The following MAPK8IP3 variants were observed in gnomAD, a reference collection of about 807,000 sequenced individuals.
MAPK8IP3 encodes the protein mitogen-activated protein kinase 8 interacting protein 3, also known as C-Jun-amino-terminal kinase-interacting protein 3.
A neutral mutation model predicts 157.8 loss-of-function variants in MAPK8IP3; 49 were observed. That is an observed-to-expected ratio of 0.31 (90% CI 0.25 to 0.39). The LOEUF (loss-of-function observed/expected upper bound fraction) is 0.39, where lower values mean the gene tolerates loss of function less well. Ranked by LOEUF, MAPK8IP3 falls within the 10% of genes least tolerant of loss-of-function variation. The probability of loss-of-function intolerance (pLI) is 1.00; values close to 1 mark genes in which losing one functional copy is unlikely to be tolerated. For synonymous variants in MAPK8IP3, 897 were observed against 777.7 expected (o/e 1.15, Z -2.55); for missense variants, 1,478 against 1,889.4 (o/e 0.78, Z 4.04).
At chr16:1,736,204 G>GTGACCGTCCGTGTGAGCA (rs2039789983) in intron 4 of MAPK8IP3, among the ~76,000 whole-genome samples, 1 of 101,798 alleles carries the variant, frequency 9.8e-6, no homozygotes, top group African/African-American at 3.8e-5. Context: ...GTGAGCATGT[G>GTGACCGTCCGTGTGAGCA]TGACCATCCG....
chr16:1,766,195 C>G (rs1187637217), intron 21 of MAPK8IP3, 25 bp from the exon 22 acceptor site: 2 of 1,603,756 alleles, frequency 1.2e-6, no homozygotes, highest in African/African-American at 1.3e-5. Context: ...TTCTGCCCAG[C>G]CCAAGCTCAC....
intron 20 of MAPK8IP3, 28 bp from the exon 21 acceptor site, chr16:1,765,932 C>T (rs532595593): frequency 7.5e-6 from 12 of 1,589,784 alleles, no homozygotes; most frequent in Non-Finnish European, 9.4e-6. Flanking sequence ...TTCCCCCGCA[C>T]AGGCTGACGG....
chr16:1,742,594 C>T lies in MAPK8IP3; in HGVS notation c.603-738C>T, dbSNP rs1023684474. ...CATGAACAGGAGTAATGAGGATGGG[C>T]AGGAGGGGCCAAGGAACAAGGCACA... On this transcript the variant is annotated intron_variant, in intron 4 of 31. Transcript: ENST00000610761. This position sits in a 1 kb window ranked among gnomAD's most constrained non-coding sequence, Gnocchi z 5.0. Among the ~76,000 whole-genome samples the T allele has an allele frequency of 6.6e-6, 1 of 152,096 alleles. No individual in the cohort carries two copies. Among genetic ancestry groups the T allele is most frequent in the Non-Finnish European group, 1.5e-5 (1 of 68,022 alleles).
chr16:1,714,707 A>G (rs1033941162), intron 1 of MAPK8IP3, among the ~76,000 whole-genome samples: 1 of 152,110 alleles, frequency 6.6e-6, no homozygotes, highest in African/African-American at 2.4e-5. Flanking sequence ...GGGCCCTTGC[A>G]CACGTGTGTC....
chr16:1,752,051 C>A (rs1397088224), intron 8 of MAPK8IP3: 1 of 152,478 alleles, frequency 6.6e-6, no homozygotes, highest in East Asian at 1.9e-4. Context: ...TTGGCAGCTT[C>A]CTCACCAACC....
At position 1,767,198 on chromosome 16, in the gene MAPK8IP3, G is replaced by A. The variant is rs528247588; in HGVS notation, c.3138G>A (p.Pro1046=). The part of the protein sequence containing the change: ...SNYHLMDLGH[P]HHSIRCMAVV... ...ATCACCTAATGGACCTGGGCCACCC[G>A]CACCACTCCATCCGCTGCATGGCTG... Residue 1046 remains proline, a synonymous_variant, in exon 26 of 32, where the codon CCG becomes CCA. Transcript: ENST00000610761. The A allele has an allele frequency of 1.1e-5, 17 of 1,613,334 alleles. No homozygotes were observed. The highest frequency in any genetic ancestry group is 2.2e-5 in the East Asian group (1 of 44,880).
chr16:1,728,639 C>CA (rs2141728218), intron 2 of MAPK8IP3, among the ~76,000 whole-genome samples: 1 of 146,186 alleles, frequency 6.8e-6, no homozygotes, highest in South Asian at 2.1e-4. Context: ...AGCAGCCCCC[C>CA]AGACGGCCTT....
intron 17 of MAPK8IP3, 156 bp from the exon 18 acceptor site, chr16:1,763,959 G>A (rs2042104454): frequency 1.9e-6 from 2 of 1,056,092 alleles, no homozygotes; most frequent in East Asian, 2.6e-5. Context: ...GGTCTGGAGG[G>A]TCGGAGAAGG....
Position 1,765,099 on chromosome 16 carries a change from C to T in MAPK8IP3, c.2367C>T (p.Ile789=), listed in dbSNP as rs772096961. ...TGACCACCAGCAAGGTGGTGATCAT[C>T]GACGCCAACCAGCCGGGCACGGTGG... is the stretch of plus-strand genomic sequence containing the variant. The part of the protein sequence containing the change: ...STLTTSKVVI[I]DANQPGTVVD... Residue 789 remains isoleucine, a synonymous_variant, in exon 20 of 32, where the codon ATC becomes ATT. Transcript: ENST00000610761. The T allele has an allele frequency of 8.7e-6, 14 of 1,612,506 alleles. No homozygotes were observed. Among genetic ancestry groups the T allele is most frequent in the Admixed American group, 3.3e-5 (2 of 59,974 alleles).
Position 1,743,198 on chromosome 16 carries a change from A to G in MAPK8IP3, c.603-134A>G. The G allele has an allele frequency of 1.6e-6, 2 of 1,259,344 alleles. No individual in the cohort carries two copies. Among genetic ancestry groups the G allele is most frequent in the South Asian group, 3.9e-5 (2 of 51,110 alleles). The allele number at this position is 1,259,344 out of a possible 1,614,324, so 78.0% of individuals were successfully genotyped here. A position where few individuals can be genotyped will look rare whatever the true frequency, so the allele number is the denominator to read the frequency against. ...GCGCCACGTAGGATCATAACTGAGT[A>G]GCTGCTCGAGCTGGGCTGCTGGCTG... is the stretch of plus-strand genomic sequence containing the variant. On this transcript the variant is annotated intron_variant, in intron 4 of 31. Coordinates refer to ENST00000610761, the MANE Select transcript of MAPK8IP3 (RefSeq NM_001318852.2). The surrounding 1 kb of genome is among the most constrained non-coding windows in gnomAD (Gnocchi z 5.6).
chr16:1,768,935 A>C lies in MAPK8IP3; in HGVS notation c.*111A>C. 5 of 1,274,668 alleles carry C rather than the reference A, an allele frequency of 3.9e-6. No homozygotes were observed. Among genetic ancestry groups the C allele is most frequent in the Non-Finnish European group, 4.3e-6 (4 of 920,164 alleles). The allele number at this position is 1,274,668 out of a possible 1,614,324, so 79.0% of individuals were successfully genotyped here. A position where few individuals can be genotyped will look rare whatever the true frequency, so the allele number is the denominator to read the frequency against. ...CCGCCGCCCCTCTTCTAACCTCTCA[A>C]CCTGCAGCTTTCACCTGAGTCTGGC... On this transcript the variant is annotated 3_prime_UTR_variant, in exon 32 of 32. Coordinates refer to ENST00000610761, the MANE Select transcript of MAPK8IP3 (RefSeq NM_001318852.2).
intron 8 of MAPK8IP3, among the ~76,000 whole-genome samples, chr16:1,755,701 C>T (rs1490789800): frequency 6.6e-6 from 1 of 151,666 alleles, no homozygotes; most frequent in African/African-American, 2.4e-5. Context: ...ACAAAAATTA[C>T]CTGGGCCTGG....
At chr16:1,740,532 C>T (rs1220587438) in intron 4 of MAPK8IP3, among the ~76,000 whole-genome samples, 1 of 152,260 alleles carries the variant, frequency 6.6e-6, no homozygotes, top group Admixed American at 6.5e-5. Flanking sequence ...CCCACGCCCT[C>T]TAACACCTGT....
chr16:1,736,807 T>A (rs2039925843), intron 4 of MAPK8IP3, among the ~76,000 whole-genome samples: 1 of 78,918 alleles, frequency 1.3e-5, no homozygotes, highest in Non-Finnish European at 2.3e-5. Context: ...CGTGTGAGCG[T>A]GTGACCGTCC....
chr16:1,750,132 A>G (rs2041205454), intron 8 of MAPK8IP3, among the ~76,000 whole-genome samples: 1 of 152,182 alleles, frequency 6.6e-6, no homozygotes, highest in Non-Finnish European at 1.5e-5. Flanking sequence ...ATCTTCAGAA[A>G]AATCCTGCTA....
intron 4 of MAPK8IP3, among the ~76,000 whole-genome samples, chr16:1,737,499 CGT>C (rs1267174161): frequency 6.1e-5 from 5 of 81,944 alleles, no homozygotes; most frequent in African/African-American, 1.5e-4. Context: ...TGTGAGCGTC[CGT>C]GTGAGCGTGT....
chr16:1,736,271 ACCAT>A (rs561720595), intron 4 of MAPK8IP3, among the ~76,000 whole-genome samples: 9 of 61,484 alleles, frequency 1.5e-4, no homozygotes, highest in South Asian at 8.0e-4. Context: ...TGAGCGTGTG[ACCAT>A]CCATGTGAGC....
At chr16:1,737,260 G>A (rs1226317197) in intron 4 of MAPK8IP3, among the ~76,000 whole-genome samples, 17 of 104,816 alleles carry the variant, frequency 1.6e-4, no homozygotes, top group Admixed American at 4.8e-4. Flanking sequence ...GTGAGCGTCC[G>A]TGTGAGCGTG....
intron 5 of MAPK8IP3, 191 bp from the exon 6 acceptor site, chr16:1,746,838 G>A (rs2040992056): frequency 3.1e-6 from 2 of 649,024 alleles, no homozygotes; most frequent in Admixed American, 3.0e-5. Context: ...GGCCGGATAA[G>A]CAGAGCCACT....
Sources: gnomAD v4.1 joint callset for allele counts (sites outside exome capture counted in the v4.1 genomes callset) on GRCh38, gnomAD v4.1.1 for gene constraint, Gnocchi (gnomAD v3.1) non-coding constraint, MANE v1.5 for transcripts, NCBI Gene and HGNC (gene_info 2026-07-23, HGNC 2026-07-21) for gene names.